CNTN5: variants seen among roughly 807,000 people sequenced by gnomAD.
CNTN5 encodes contactin 5, also known as contactin-5.
A neutral mutation model predicts 129.1 loss-of-function variants in CNTN5; 77 were observed. The ratio of observed to expected loss-of-function variants is 0.60; its 90% CI spans 0.50 to 0.72. The LOEUF (loss-of-function observed/expected upper bound fraction) is 0.72, where lower values mean the gene tolerates loss of function less well. Ranked by LOEUF, CNTN5 falls within the 30% of genes least tolerant of loss-of-function variation. The pLI, the probability that CNTN5 is intolerant of heterozygous loss-of-function variation, is 0.00. For missense variants in CNTN5, 1,478 were observed against 1,328.8 expected (o/e 1.11, Z -1.75); for synonymous variants, 509 against 465.6 (o/e 1.09, Z -1.20).
Position 100,159,245 on chromosome 11 carries a change from T to A in CNTN5, c.1581-31881T>A, listed in dbSNP as rs77668135. Among the ~76,000 whole-genome samples the A allele has an allele frequency of 6.7e-3, 1,021 of 152,006 alleles. 9 individuals are homozygous for A. The highest frequency in any genetic ancestry group is 0.023 in the African/African-American group (957 of 41,528). On this transcript the variant is annotated intron_variant, in intron 13 of 24. Transcript: ENST00000524871. ...ATGGTGTGTAGGGTTGTGATCATGGTGGGCCATAAAAAAAGTGTAGGTTTT... is the reference window on the plus strand; with the variant it reads ...ATGGTGTGTAGGGTTGTGATCATGGAGGGCCATAAAAAAAGTGTAGGTTTT...
intron 15 of CNTN5, among the ~76,000 whole-genome samples, chr11:100,203,310 C>T (rs1286082213): frequency 6.6e-6 from 1 of 151,874 alleles, no homozygotes; most frequent in Non-Finnish European, 1.5e-5. Flanking sequence ...TATCAACATC[C>T]CTTTTTAGGC....
intron 1 of CNTN5, among the ~76,000 whole-genome samples, chr11:99,065,962 C>T (rs1460282585): frequency 6.6e-6 from 1 of 151,856 alleles, no homozygotes; most frequent in Non-Finnish European, 1.5e-5. Context: ...ATTTTATTAT[C>T]ATTACATTCT....
chr11:100,317,895 T>C (rs1445292096), intron 21 of CNTN5, among the ~76,000 whole-genome samples: 1 of 152,186 alleles, frequency 6.6e-6, no homozygotes, highest in African/African-American at 2.4e-5. Context: ...GAACATATTG[T>C]TGAAACACAA....
At chr11:99,469,024 C>T (rs1371243078) in intron 2 of CNTN5, among the ~76,000 whole-genome samples, 1 of 151,392 alleles carries the variant, frequency 6.6e-6, no homozygotes, top group Non-Finnish European at 1.5e-5. Flanking sequence ...TAATTCCATG[C>T]TATTTACATA....
intron 15 of CNTN5, among the ~76,000 whole-genome samples, chr11:100,216,261 G>A (rs536632459): frequency 5.0e-4 from 76 of 152,192 alleles, no homozygotes; most frequent in Non-Finnish European, 9.0e-4. Flanking sequence ...GCCAGGAAGA[G>A]ACCAGATTTG....
chr11:99,380,916 T>C (rs1470376808), intron 2 of CNTN5, among the ~76,000 whole-genome samples: 1 of 152,168 alleles, frequency 6.6e-6, no homozygotes, highest in East Asian at 1.9e-4. Flanking sequence ...GTTTCTTATC[T>C]GATGCAGTGG....
chr11:100,124,235 C>A (rs544321931), intron 13 of CNTN5, among the ~76,000 whole-genome samples: 2 of 152,018 alleles, frequency 1.3e-5, no homozygotes, highest in African/African-American at 2.4e-5. Flanking sequence ...TGAGCCCAGG[C>A]ATTATGACTC....
chr11:99,503,665 G>C (rs576743738), intron 2 of CNTN5, among the ~76,000 whole-genome samples: 1 of 152,038 alleles, frequency 6.6e-6, no homozygotes, highest in African/African-American at 2.4e-5. Flanking sequence ...TTTGTCATCC[G>C]CAGCTTCTAA....
At chr11:99,146,163 A>G (rs1859773792) in intron 1 of CNTN5, among the ~76,000 whole-genome samples, 2 of 152,158 alleles carry the variant, frequency 1.3e-5, no homozygotes, top group Admixed American at 1.3e-4. Flanking sequence ...TATGTAATCT[A>G]TATACTATTT....
At chr11:99,751,560 A>G (rs1004340579) in intron 3 of CNTN5, among the ~76,000 whole-genome samples, 3 of 152,192 alleles carry the variant, frequency 2.0e-5, no homozygotes, top group Admixed American at 1.3e-4. Flanking sequence ...TATAAATTCA[A>G]TGATAAAACA....
chr11:99,822,430 A>C (rs552399898), intron 4 of CNTN5, among the ~76,000 whole-genome samples: 1 of 152,336 alleles, frequency 6.6e-6, no homozygotes, highest in South Asian at 2.1e-4. Context: ...AATAGAAAGA[A>C]AATGGATAGA....
At position 100,276,712 on chromosome 11, in the gene CNTN5, T is replaced by C. The variant is rs1474007937; in HGVS notation, c.2314+5471T>C. On this transcript the variant is annotated intron_variant, in intron 18 of 24. Transcript: ENST00000524871. ...TACAGTAGGTATATATATTTTGGGG[T>C]TACATGAGATATTTTGATACAGGCA... Among the ~76,000 whole-genome samples the C allele has an allele frequency of 2.6e-5, 4 of 151,976 alleles. No homozygotes were observed. The South Asian group carries it at 6.2e-4, about 24-fold the overall frequency.
intron 13 of CNTN5, among the ~76,000 whole-genome samples, chr11:100,132,718 G>A (rs942655695): frequency 2.0e-5 from 3 of 152,014 alleles, no homozygotes; most frequent in South Asian, 2.1e-4. Context: ...TGTTTCATAC[G>A]TATTTTTTAG....
intron 13 of CNTN5, among the ~76,000 whole-genome samples, chr11:100,190,323 A>G (rs1948441509): frequency 6.6e-6 from 1 of 152,132 alleles, no homozygotes; most frequent in Non-Finnish European, 1.5e-5. Flanking sequence ...CACTGGTGAA[A>G]TAATAGGTTA....
chr11:99,712,328 T>G (rs1955028566), intron 3 of CNTN5, among the ~76,000 whole-genome samples: 1 of 152,070 alleles, frequency 6.6e-6, no homozygotes, highest in Non-Finnish European at 1.5e-5. Context: ...ATGGGGTTGT[T>G]TTTGTTTTCT....
At chr11:99,425,212 A>G (rs1278625863) in intron 2 of CNTN5, among the ~76,000 whole-genome samples, 1 of 152,156 alleles carries the variant, frequency 6.6e-6, no homozygotes, top group Non-Finnish European at 1.5e-5. Context: ...ACCTGGAAAA[A>G]CAACCATCTG....
At chr11:99,602,928 T>C (rs1314827347) in intron 3 of CNTN5, among the ~76,000 whole-genome samples, 2 of 108,028 alleles carry the variant, frequency 1.9e-5, no homozygotes, top group Non-Finnish European at 3.8e-5. Context: ...AAAGGACATC[T>C]ACACCGAAAA....
At chr11:100,256,668 G>A (rs568300229) in intron 17 of CNTN5, among the ~76,000 whole-genome samples, 2 of 152,030 alleles carry the variant, frequency 1.3e-5, no homozygotes, top group Non-Finnish European at 2.9e-5. Context: ...AAGCAGCATG[G>A]GGCATTGCCT....
At chr11:99,113,031 C>A (rs117421736) in intron 1 of CNTN5, among the ~76,000 whole-genome samples, 2 of 152,032 alleles carry the variant, frequency 1.3e-5, no homozygotes, top group African/African-American at 2.4e-5. Context: ...AATAGTCATA[C>A]GAAAGGCAAC....
Sources: allele counts gnomAD v4.1 joint callset (sites outside exome capture counted in the v4.1 genomes callset), GRCh38; gene constraint gnomAD v4.1.1; transcripts MANE v1.5; gene names NCBI Gene and HGNC (gene_info 2026-07-23, HGNC 2026-07-21).